Variants in COX18 observed in about 807,000 individuals in gnomAD.
The protein encoded by COX18 is cytochrome c oxidase assembly factor COX18.
COX18 carries 45 observed loss-of-function variants against 38.0 expected under a neutral mutation model. The ratio of observed to expected loss-of-function variants is 1.18; its 90% confidence interval spans 0.93 to 1.52. COX18 has a LOEUF of 1.52. Ranked by LOEUF, COX18 falls within the 40% of genes most tolerant of loss-of-function variation. The pLI is 0.00. For missense variants in COX18, 462 were observed against 423.8 expected (o/e 1.09, Z -0.79); for synonymous variants, 177 against 169.8 (o/e 1.04, Z -0.33).
intron 2 of COX18, 143 bp downstream of exon 2, chr4:73,067,884 TAA>T (rs60250844): frequency 0.069 from 7,606 of 109,496 alleles, 1,055 homozygotes; most frequent in African/African-American, 0.23. Context: ...TATATATATA[TAA>T]AAAAAGAAAT....
intron 5 of COX18, 100 bp downstream of exon 5, chr4:73,061,707 CAAAAAA>C (rs35931617): frequency 9.7e-4 from 361 of 373,892 alleles, no homozygotes; most frequent in East Asian, 2.2e-3. Flanking sequence ...GACTCCGTCT[CAAAAAA>C]AAAAAAAAAA....
intron 4 of COX18, among the ~76,000 whole-genome samples, chr4:73,063,711 A>G (rs1451295420): frequency 6.6e-6 from 1 of 152,220 alleles, no homozygotes; most frequent in African/African-American, 2.4e-5. Context: ...TTAGGGAAAC[A>G]TATTTGGACT....
At chr4:73,061,028 G>T (rs1328197105) in intron 5 of COX18, among the ~76,000 whole-genome samples, 1 of 152,144 alleles carries the variant, frequency 6.6e-6, no homozygotes, top group Non-Finnish European at 1.5e-5. Context: ...AACTTCTAAA[G>T]TATTTGTGGG....
intron 1 of COX18, 33 bp downstream of exon 1, chr4:73,069,284 C>A (rs1188048960): frequency 6.9e-7 from 1 of 1,440,682 alleles, no homozygotes; most frequent in Non-Finnish European, 9.2e-7. Flanking sequence ...GGGGTTGCAG[C>A]GCAGGGTACG....
In COX18 at chr4:73,068,114, G is replaced by A. The variant is rs760427030; in HGVS notation, c.349C>T (p.Pro117Ser). The A allele has an allele frequency of 1.9e-6, 3 of 1,607,042 alleles. No individual in the cohort carries two copies. In the South Asian group the frequency reaches 3.3e-5, roughly 18 times the overall value. The change falls in exon 2 of 6, where the codon CCA becomes TCA. Residue 117 changes from proline to serine, a missense_variant. Coordinates refer to ENST00000507544, the MANE Select transcript of COX18 (RefSeq NM_001297732.2). The stretch of plus-strand genomic sequence containing the variant: ...TGCCTGGCAATAGTTTTTATTTCTG[G>A]CTGCAAATTTTCCACCTAGCTAAAA... ...YILAKVENLQ[P>S]EIKTIARHLN... is the part of the protein sequence containing the mutation.
intron 5 of COX18, among the ~76,000 whole-genome samples, chr4:73,058,587 C>T (rs1720006607): frequency 6.6e-6 from 1 of 152,148 alleles, no homozygotes; most frequent in Non-Finnish European, 1.5e-5. Flanking sequence ...TGGAACATAA[C>T]TTTTTCCCCA....
chr4:73,054,735 G>C lies in COX18; in HGVS notation c.*3379C>G, dbSNP rs1304014818. 6.6e-6 allele frequency: 1 copy of C among 152,198 alleles called. No individual in the cohort carries two copies. The highest frequency in any genetic ancestry group is 2.1e-4 in the South Asian group (1 of 4,830). 9.4% of individuals were successfully genotyped at this position (152,198 alleles called of 1,614,324 possible). A position where few individuals can be genotyped will look rare whatever the true frequency, so the allele number is the denominator to read the frequency against. ...GAAAGAAGATTCATTTATTTGAAAA[G>C]GAAGTATCTGGAGATAGGAAAAACC... On this transcript the variant is annotated 3_prime_UTR_variant, in exon 6 of 6. Transcript: ENST00000507544.
intron 4 of COX18, 77 bp from the exon 5 acceptor site, chr4:73,061,997 TGA>T: frequency 1.3e-6 from 1 of 766,686 alleles, no homozygotes; most frequent in Non-Finnish European, 2.2e-6. Context: ...AAATATAAAC[TGA>T]TTTTTCACTG....
Position 73,069,204 on chromosome 4 carries a change from A to C in COX18, c.333+113T>G. ...AATGAAATGGTCACGATGATTAAAC[A>C]CTAAGCACTGCAGAAGGCAACATCG... is the stretch of plus-strand genomic sequence containing the variant. On this transcript the variant is annotated intron_variant, in intron 1 of 5. Coordinates refer to ENST00000507544, the MANE Select transcript of COX18 (RefSeq NM_001297732.2). 3 of 753,008 alleles carry C rather than the reference A, an allele frequency of 4.0e-6. No individual in the cohort carries two copies. The East Asian group carries it at 8.2e-5, about 21-fold the overall frequency. The allele number at this position is 753,008 out of a possible 1,614,324, so 46.6% of individuals were successfully genotyped here.
intron 4 of COX18, among the ~76,000 whole-genome samples, chr4:73,063,988 A>G (rs1720304432): frequency 6.6e-6 from 1 of 152,210 alleles, no homozygotes; most frequent in Non-Finnish European, 1.5e-5. Context: ...ATAAGGGTTA[A>G]GACATGACTG....
At chr4:73,059,285 A>C (rs937203774) in intron 5 of COX18, among the ~76,000 whole-genome samples, 1 of 152,222 alleles carries the variant, frequency 6.6e-6, no homozygotes. Context: ...AACTGCCTGA[A>C]TTTGAATCCT....
At chr4:73,067,434 A>G (rs754221089) in intron 2 of COX18, among the ~76,000 whole-genome samples, 7 of 152,166 alleles carry the variant, frequency 4.6e-5, no homozygotes, top group Non-Finnish European at 1.0e-4. Context: ...GTCTTTTTCA[A>G]TAGGCTGGAA....
chr4:73,058,393 G>A (rs1719998582), intron 5 of COX18, 106 bp from the exon 6 acceptor site: 2 of 738,184 alleles, frequency 2.7e-6, no homozygotes, highest in Non-Finnish European at 4.3e-6. Context: ...AGTATGCCAA[G>A]ACTAAGCAAG....
At chr4:73,063,605 G>A (rs1720290466) in intron 4 of COX18, among the ~76,000 whole-genome samples, 1 of 152,162 alleles carries the variant, frequency 6.6e-6, no homozygotes, top group African/African-American at 2.4e-5. Flanking sequence ...AAGACTAGGG[G>A]ATTGACATTG....
rs1040512282 is a variant in COX18, at chr4:73,055,610, T to G, written c.*2504A>C. The G allele has an allele frequency of 6.6e-6, 1 of 151,996 alleles. No homozygotes were observed. The highest frequency in any genetic ancestry group is 1.5e-5 in the Non-Finnish European group (1 of 68,002). 9.4% of individuals were successfully genotyped at this position (151,996 alleles called of 1,614,324 possible). On this transcript the variant is annotated 3_prime_UTR_variant, in exon 6 of 6. Transcript: ENST00000507544. ...AATCACCAACAAAAAGAACAGAAAT[T>G]AGGAAGAGATGGGACTAAGTAGACT... is the stretch of plus-strand genomic sequence containing the variant.
At chr4:73,065,049 A>T in intron 3 of COX18, 147 bp from the exon 4 acceptor site, 1 of 984,112 alleles carries the variant, frequency 1.0e-6, no homozygotes, top group East Asian at 2.6e-5. Flanking sequence ...TTTCACGCAC[A>T]ATATATATAT....
chr4:73,054,175 TC>T lies in COX18; in HGVS notation c.*3938del, dbSNP rs1719813150. 1 of 152,238 alleles carries T rather than the reference TC, an allele frequency of 6.6e-6. No homozygotes were observed. Among genetic ancestry groups the T allele is most frequent in the African/African-American group, 2.4e-5 (1 of 41,426 alleles). 9.4% of individuals were successfully genotyped at this position (152,238 alleles called of 1,614,324 possible). ...ACTCTGCAGGGCCCAGCGCAGAGCC[TC>T]AGCAACTGAGGGGATATAGGCAAGC... On this transcript the variant is annotated 3_prime_UTR_variant, in exon 6 of 6. Transcript: ENST00000507544.
chr4:73,060,252 CTT>C (rs1168122097), intron 5 of COX18, among the ~76,000 whole-genome samples: 3 of 152,154 alleles, frequency 2.0e-5, no homozygotes, highest in Non-Finnish European at 4.4e-5. Context: ...TTTTAGATCT[CTT>C]GTTACTCATT....
At chr4:73,068,208 C>A in intron 1 of COX18, 79 bp from the exon 2 acceptor site, 1 of 838,958 alleles carries the variant, frequency 1.2e-6, no homozygotes, top group East Asian at 2.8e-5. Context: ...ACATTATTCC[C>A]TCGAGTCATT....
Sources: gnomAD v4.1 joint callset for allele counts (sites outside exome capture counted in the v4.1 genomes callset) on GRCh38, gnomAD v4.1.1 for gene constraint, MANE v1.5 for transcripts, NCBI Gene and HGNC (gene_info 2026-07-23, HGNC 2026-07-21) for gene names.